BMAL2: variants seen among roughly 807,000 people sequenced by gnomAD.
The protein encoded by BMAL2 is basic helix-loop-helix ARNT like 2, also known as basic helix-loop-helix ARNT-like protein 2.
the BMAL2 span, among the ~76,000 whole-genome samples, chr12:27,386,489 T>C: frequency 7.2e-5 from 11 of 152,202 alleles, no homozygotes; most frequent in African/African-American, 2.7e-4. Flanking sequence ...CTTTTTATTA[T>C]TCAAAAACTA....
the BMAL2 span, among the ~76,000 whole-genome samples, chr12:27,408,182 C>T: frequency 2.0e-5 from 3 of 152,094 alleles, no homozygotes; most frequent in Admixed American, 1.3e-4. Flanking sequence ...GAGCTGGTAC[C>T]ATTCCTTCTG....
chr12:27,397,834 G>T, the BMAL2 span, among the ~76,000 whole-genome samples: 1 of 152,190 alleles, frequency 6.6e-6, no homozygotes, highest in African/African-American at 2.4e-5. Context: ...AGATAATTGT[G>T]CATGAGGAAG....
the BMAL2 span, chr12:27,380,555 T>A: frequency 1.2e-6 from 1 of 867,232 alleles, no homozygotes. Context: ...GTCTATAGTC[T>A]GTATGTGGAG....
the BMAL2 span, among the ~76,000 whole-genome samples, chr12:27,375,842 T>C: frequency 6.6e-6 from 1 of 152,202 alleles, no homozygotes; most frequent in African/African-American, 2.4e-5. Context: ...AAAATTAATA[T>C]TATTGGTAAG....
At chr12:27,411,567 A>G in the BMAL2 span, among the ~76,000 whole-genome samples, 1 of 152,212 alleles carries the variant, frequency 6.6e-6, no homozygotes, top group Non-Finnish European at 1.5e-5. Flanking sequence ...GCAGTGAGCT[A>G]GTCATTATCA....
At chr12:27,414,798 C>A in the BMAL2 span, among the ~76,000 whole-genome samples, 1 of 151,776 alleles carries the variant, frequency 6.6e-6, no homozygotes, top group African/African-American at 2.4e-5. Context: ...CAGATTGAAT[C>A]AAGATTAGAA....
At chr12:27,385,495 T>G in the BMAL2 span, 1 of 1,606,810 alleles carries the variant, frequency 6.2e-7, no homozygotes, top group Non-Finnish European at 8.5e-7. Flanking sequence ...GACAAATTCT[T>G]ATGTGGGAAG....
the BMAL2 span, among the ~76,000 whole-genome samples, chr12:27,350,917 T>TG: frequency 6.6e-6 from 1 of 151,454 alleles, no homozygotes; most frequent in African/African-American, 2.4e-5. Context: ...TGACCTAAGG[T>TG]GATCCGCCTG....
At chr12:27,418,195 C>A in the BMAL2 span, 1 of 1,599,676 alleles carries the variant, frequency 6.3e-7, no homozygotes, top group Non-Finnish European at 8.5e-7. Context: ...AGCCACTCCT[C>A]AGTAAGTTTT....
the BMAL2 span, among the ~76,000 whole-genome samples, chr12:27,384,934 A>G: frequency 6.6e-6 from 1 of 152,200 alleles, no homozygotes; most frequent in Non-Finnish European, 1.5e-5. Flanking sequence ...ATAGCTCTTA[A>G]TGTGCATATT....
At chr12:27,415,015 GA>G in the BMAL2 span, among the ~76,000 whole-genome samples, 2 of 150,642 alleles carry the variant, frequency 1.3e-5, no homozygotes, top group Non-Finnish European at 3.0e-5. Context: ...CAGAATCTTA[GA>G]AAAAAAAAGC....
At chr12:27,404,450 G>A in the BMAL2 span, among the ~76,000 whole-genome samples, 3 of 152,020 alleles carry the variant, frequency 2.0e-5, no homozygotes, top group Admixed American at 2.0e-4. Context: ...AATTAAAAAT[G>A]ACACCTTAAA....
At chr12:27,376,799 G>T in the BMAL2 span, among the ~76,000 whole-genome samples, 1 of 151,870 alleles carries the variant, frequency 6.6e-6, no homozygotes, top group Admixed American at 6.6e-5. Context: ...AGGAGATCGA[G>T]ACCATCCTGG....
the BMAL2 span, chr12:27,402,595 C>A: frequency 6.3e-7 from 1 of 1,587,136 alleles, no homozygotes. Flanking sequence ...GAAAGTAAAT[C>A]ACCTATGGTG....
the BMAL2 span, among the ~76,000 whole-genome samples, chr12:27,416,933 C>G: frequency 6.6e-6 from 1 of 152,146 alleles, no homozygotes; most frequent in African/African-American, 2.4e-5. Context: ...ACTGCACTAG[C>G]CTGAGCGGCA....
At chr12:27,360,788 G>A in the BMAL2 span, among the ~76,000 whole-genome samples, 1 of 52,710 alleles carries the variant, frequency 1.9e-5, no homozygotes, top group Non-Finnish European at 3.8e-5. Context: ...GGTTGGTTAT[G>A]TTAAGTGATT....
the BMAL2 span, among the ~76,000 whole-genome samples, chr12:27,397,982 C>T: frequency 2.0e-5 from 3 of 152,190 alleles, no homozygotes; most frequent in African/African-American, 2.4e-5. Context: ...TGTCCAAAGC[C>T]GGGACTCTCC....
chr12:27,425,000 C>G, the BMAL2 span: 21 of 152,142 alleles, frequency 1.4e-4, no homozygotes, highest in African/African-American at 5.1e-4. Context: ...GCTTAGAGAG[C>G]TTTCCAGGTG....
the BMAL2 span, chr12:27,423,570 C>G: frequency 6.6e-6 from 1 of 152,212 alleles, no homozygotes; most frequent in Non-Finnish European, 1.5e-5. Context: ...ACCTCGTGAT[C>G]CGCCCACTTC....
Sources: gnomAD v4.1 joint callset for allele counts (sites outside exome capture counted in the v4.1 genomes callset) on GRCh38, gnomAD v4.1.1 for gene constraint, MANE v1.5 for transcripts, NCBI Gene and HGNC (gene_info 2026-07-23, HGNC 2026-07-21) for gene names.